The following NAALADL2 variants were observed in gnomAD, a reference collection of about 807,000 sequenced individuals.
NAALADL2 encodes the protein inactive N-acetylated-alpha-linked acidic dipeptidase-like protein 2.
In NAALADL2, 76 loss-of-function variants were observed where a neutral mutation model predicts 87.2. The ratio of observed to expected loss-of-function variants is 0.87; its 90% confidence interval spans 0.72 to 1.05. The LOEUF (loss-of-function observed/expected upper bound fraction) is 1.05. NAALADL2 is among the 50% of genes least tolerant of loss of function. The pLI, the probability that NAALADL2 is intolerant of heterozygous loss-of-function variation, is 0.00. For missense variants in NAALADL2, 1,089 were observed against 945.8 expected (o/e 1.15, Z -1.99); for synonymous variants, 354 against 331.0 (o/e 1.07, Z -0.75).
chr3:175,257,172 G>A (rs978184795), intron 4 of NAALADL2: 3 of 141,940 alleles, frequency 2.1e-5, no homozygotes, highest in Non-Finnish European at 3.0e-5. Context: ...GCTCATTCTT[G>A]CTTCATTTCC....
chr3:174,622,311 C>A (rs1721090536), intron 2 of NAALADL2, among the ~76,000 whole-genome samples: 1 of 152,122 alleles, frequency 6.6e-6, no homozygotes, highest in Non-Finnish European at 1.5e-5. Context: ...ACTTTTATTT[C>A]TTCACCTCTA....
At chr3:175,487,872 A>G (rs11720882) in intron 9 of NAALADL2, among the ~76,000 whole-genome samples, 119,573 of 152,030 alleles carry the variant, frequency 0.79, 47,081 homozygotes, top group Middle Eastern at 0.81. Context: ...CAGGTTTGCT[A>G]GAAATGCATG....
In NAALADL2 at chr3:174,823,796, C is replaced by A. The variant is rs905186047; in HGVS notation, c.-9+86050C>A. The stretch of plus-strand genomic sequence containing the variant: ...CACAATCTTGGCTCACCACAACCTC[C>A]GCCTCCCGGGTTCAAGCTATTCTCC... On this transcript the variant is annotated intron_variant, in intron 3 of 3. Coordinates refer to the NAALADL2 transcript ENST00000434257. 2.0e-5 allele frequency among the ~76,000 whole-genome samples: 3 copies of A among 151,890 alleles called. No homozygotes were observed. The South Asian group carries it at 6.2e-4, about 31-fold the overall frequency.
rs571381790 is a variant in NAALADL2, at chr3:174,966,671, A to T, written c.43+107221A>T. 2.6e-5 allele frequency among the ~76,000 whole-genome samples: 4 copies of T among 152,314 alleles called. No individual in the cohort carries two copies. The South Asian group carries it at 8.3e-4, about 32-fold the overall frequency. On this transcript the variant is annotated intron_variant, in intron 1 of 13. Coordinates refer to ENST00000454872, the MANE Select transcript of NAALADL2 (RefSeq NM_207015.3). Reference sequence around the variant, plus strand: ...ATGAAGAGAAAGAGAAGTCCAGCTTAATACATATGAAATTTGACATACCCA... The same window carrying T: ...ATGAAGAGAAAGAGAAGTCCAGCTTTATACATATGAAATTTGACATACCCA...
intron 3 of NAALADL2, among the ~76,000 whole-genome samples, chr3:175,242,842 G>T (rs1359489147): frequency 3.3e-5 from 5 of 152,064 alleles, no homozygotes; most frequent in Admixed American, 2.6e-4. Flanking sequence ...AAAATTGCTT[G>T]GCTTGATACT....
intron 4 of NAALADL2, among the ~76,000 whole-genome samples, chr3:175,312,685 A>C (rs188360474): frequency 4.1e-4 from 63 of 152,312 alleles, no homozygotes; most frequent in Non-Finnish European, 6.5e-4. Context: ...ACCACTTACT[A>C]GCTCTGACCC....
chr3:175,323,407 G>C (rs927338563), intron 4 of NAALADL2, among the ~76,000 whole-genome samples: 1 of 150,270 alleles, frequency 6.7e-6, no homozygotes, highest in African/African-American at 2.5e-5. Context: ...GTTAGTGGGT[G>C]CAGCGCAGCA....
upstream of NAALADL2, among the ~76,000 whole-genome samples, chr3:174,855,517 A>G (rs751806208): frequency 6.6e-6 from 1 of 151,930 alleles, no homozygotes; most frequent in Non-Finnish European, 1.5e-5. Context: ...AAAACTCCCT[A>G]CTTTCCCTCA....
intron 1 of NAALADL2, among the ~76,000 whole-genome samples, chr3:175,015,949 T>C (rs1242928152): frequency 6.6e-6 from 1 of 151,904 alleles, no homozygotes; most frequent in Non-Finnish European, 1.5e-5. Flanking sequence ...AAATACCTGA[T>C]AATCAGTCCT....
intron 2 of NAALADL2, among the ~76,000 whole-genome samples, chr3:174,677,369 A>C (rs1727132858): frequency 6.6e-6 from 1 of 151,928 alleles, no homozygotes; most frequent in African/African-American, 2.4e-5. Context: ...TACTTTTTAC[A>C]GCTGTATTAT....
intron 10 of NAALADL2, among the ~76,000 whole-genome samples, chr3:175,599,785 G>A (rs551366693): frequency 3.3e-5 from 5 of 152,186 alleles, no homozygotes; most frequent in African/African-American, 1.2e-4. Context: ...TCTTTATTAT[G>A]ATAATATTAC....
intron 5 of NAALADL2, among the ~76,000 whole-genome samples, chr3:175,331,607 C>A (rs1761406371): frequency 6.6e-6 from 1 of 152,096 alleles, no homozygotes; most frequent in Non-Finnish European, 1.5e-5. Context: ...AAGGAATATA[C>A]CTCAATGTAA....
At chr3:175,117,394 A>C (rs1725418629) in intron 2 of NAALADL2, among the ~76,000 whole-genome samples, 1 of 152,160 alleles carries the variant, frequency 6.6e-6, no homozygotes, top group African/African-American at 2.4e-5. Context: ...AGAATCTAGA[A>C]AGAATTTAAA....
intron 2 of NAALADL2, among the ~76,000 whole-genome samples, chr3:174,556,633 G>A (rs1229616294): frequency 6.6e-6 from 1 of 151,946 alleles, no homozygotes; most frequent in Non-Finnish European, 1.5e-5. Flanking sequence ...ATTTCCCTCA[G>A]GAAATAATTT....
At chr3:174,994,816 A>G (rs951772992) in intron 1 of NAALADL2, among the ~76,000 whole-genome samples, 2 of 152,182 alleles carry the variant, frequency 1.3e-5, no homozygotes, top group African/African-American at 4.8e-5. Context: ...TATTTTTCAA[A>G]GAATTAGATT....
intron 5 of NAALADL2, among the ~76,000 whole-genome samples, chr3:175,376,782 G>A (rs1767178643): frequency 6.6e-6 from 1 of 152,072 alleles, no homozygotes; most frequent in South Asian, 2.1e-4. Flanking sequence ...AGTTTACTGA[G>A]GCTTTGCTCT....
intron 2 of NAALADL2, among the ~76,000 whole-genome samples, chr3:175,160,361 T>C (rs1366386063): frequency 7.4e-4 from 56 of 75,282 alleles, no homozygotes; most frequent in African/African-American, 2.5e-3. Context: ...CTTTTCTTTC[T>C]TTTTTTTTTT....
intron 2 of NAALADL2, among the ~76,000 whole-genome samples, chr3:175,097,778 A>G (rs1320457747): frequency 6.6e-6 from 1 of 152,182 alleles, no homozygotes; most frequent in Non-Finnish European, 1.5e-5. Flanking sequence ...ATTAGCATAC[A>G]TGTTGAGTTG....
intron 13 of NAALADL2, among the ~76,000 whole-genome samples, chr3:175,793,992 A>C (rs138074505): frequency 6.6e-6 from 1 of 152,182 alleles, no homozygotes; most frequent in Non-Finnish European, 1.5e-5. Context: ...TCTCATTATT[A>C]GAATCAGAAA....
Sources: allele counts gnomAD v4.1 joint callset (sites outside exome capture counted in the v4.1 genomes callset), GRCh38; gene constraint gnomAD v4.1.1; transcripts MANE v1.5; gene names NCBI Gene and HGNC (gene_info 2026-07-23, HGNC 2026-07-21).